Variants in TAFA4 observed in about 807,000 individuals in gnomAD.
TAFA4 encodes TAFA chemokine like family member 4.
In TAFA4, 20 loss-of-function variants were observed where a neutral mutation model predicts 21.1. The ratio of observed to expected loss-of-function variants is 0.95; its 90% CI spans 0.67 to 1.38. The LOEUF (loss-of-function observed/expected upper bound fraction) is 1.38, where lower values mean the gene tolerates loss of function less well. TAFA4 is among the 40% of genes most tolerant of loss of function. The pLI is 0.00. For missense variants in TAFA4, 211 were observed against 180.9 expected, an observed-to-expected ratio of 1.17 and a Z score of -0.95; for synonymous variants, 71 against 67.4, an observed-to-expected ratio of 1.05 and a Z score of -0.26.
chr3:68,851,503 T>A (rs114879958), intron 3 of TAFA4, among the ~76,000 whole-genome samples: 1,730 of 151,988 alleles, frequency 0.011, 29 homozygotes, highest in African/African-American at 0.04. Context: ...AAACATAAAT[T>A]CAAATTATGC....
At chr3:68,860,274 G>T (rs1223636291) in intron 3 of TAFA4, among the ~76,000 whole-genome samples, 5 of 152,076 alleles carry the variant, frequency 3.3e-5, no homozygotes, top group East Asian at 1.9e-4. Flanking sequence ...GAACAGAAGG[G>T]TTTATTCACT....
At chr3:68,859,826 C>T (rs186491055) in intron 3 of TAFA4, among the ~76,000 whole-genome samples, 3 of 152,196 alleles carry the variant, frequency 2.0e-5, no homozygotes, top group African/African-American at 7.2e-5. Flanking sequence ...CCACCAATTG[C>T]ACGCCTAGCA....
intron 3 of TAFA4, among the ~76,000 whole-genome samples, chr3:68,834,324 G>A (rs1704471079): frequency 6.6e-6 from 1 of 152,110 alleles, no homozygotes; most frequent in African/African-American, 2.4e-5. Flanking sequence ...CAAAGCCATG[G>A]TCTCTACTCC....
chr3:68,841,642 C>A (rs1306642525), intron 3 of TAFA4, among the ~76,000 whole-genome samples: 2 of 152,086 alleles, frequency 1.3e-5, no homozygotes, highest in African/African-American at 4.8e-5. Context: ...TGGTTTGCTG[C>A]ACCCATGAAC....
chr3:68,845,278 T>C (rs971453332), intron 3 of TAFA4, among the ~76,000 whole-genome samples: 2 of 152,158 alleles, frequency 1.3e-5, no homozygotes, highest in Admixed American at 6.6e-5. Context: ...CCTTGTGTTT[T>C]TTTTAATCTT....
chr3:68,871,990 A>G (rs1466659661), intron 3 of TAFA4, among the ~76,000 whole-genome samples: 2 of 152,128 alleles, frequency 1.3e-5, no homozygotes, highest in South Asian at 4.1e-4. Context: ...AAAACAATAC[A>G]GTGGTCCTTC....
At chr3:68,789,614 C>T (rs544569877) in intron 3 of TAFA4, among the ~76,000 whole-genome samples, 1 of 152,154 alleles carries the variant, frequency 6.6e-6, no homozygotes, top group African/African-American at 2.4e-5. Flanking sequence ...TATTTTTCCC[C>T]ATAGAATTCA....
At position 68,826,517 on chromosome 3, in the gene TAFA4, G is replaced by T. The variant is rs894904121; in HGVS notation, c.130+54213C>A. Among the ~76,000 whole-genome samples, 4 of 149,386 alleles carry T rather than the reference G, an allele frequency of 2.7e-5. No individual in the cohort carries two copies. The South Asian group carries it at 6.3e-4, about 24-fold the overall frequency. ...GAACCCGGGAGGCAGAGCTTGCAGT[G>T]AGCCGAGATCGCGCCACCGCACTCC... On this transcript the variant is annotated intron_variant, in intron 3 of 5. Coordinates refer to ENST00000295569, the MANE Select transcript of TAFA4 (RefSeq NM_182522.5).
At chr3:68,790,549 G>A (rs1344241860) in intron 3 of TAFA4, among the ~76,000 whole-genome samples, 1 of 152,194 alleles carries the variant, frequency 6.6e-6, no homozygotes. Flanking sequence ...AAAGGACCAT[G>A]CTGAGTATAC....
At chr3:68,762,026 C>G (rs533827210) in intron 3 of TAFA4, among the ~76,000 whole-genome samples, 5 of 151,646 alleles carry the variant, frequency 3.3e-5, no homozygotes, top group African/African-American at 1.2e-4. Context: ...ATATTTAAGT[C>G]TGGAGTTCAA....
At chr3:68,805,603 C>T (rs1345181531) in intron 3 of TAFA4, among the ~76,000 whole-genome samples, 2 of 152,200 alleles carry the variant, frequency 1.3e-5, no homozygotes, top group African/African-American at 4.8e-5. Flanking sequence ...GGCACATATA[C>T]ACCATGGAAC....
chr3:68,746,997 G>C (rs1702471447), intron 4 of TAFA4, among the ~76,000 whole-genome samples: 1 of 152,168 alleles, frequency 6.6e-6, no homozygotes, highest in East Asian at 1.9e-4. Flanking sequence ...CAGCTGTCTT[G>C]AGACAATGTC....
chr3:68,927,404 TA>T (rs796972981), intron 1 of TAFA4, among the ~76,000 whole-genome samples: 17 of 152,010 alleles, frequency 1.1e-4, no homozygotes, highest in African/African-American at 2.2e-4. Flanking sequence ...CAGTGGTCAT[TA>T]AAAAAAATGA....
chr3:68,895,645 C>A (rs902248), intron 1 of TAFA4, among the ~76,000 whole-genome samples: 22,338 of 152,108 alleles, frequency 0.15, 2,559 homozygotes, highest in East Asian at 0.49. Context: ...GCACAGCATC[C>A]ATGCTCTATT....
Position 68,880,883 on chromosome 3 carries a change from G to A in TAFA4, c.15-38C>T, listed in dbSNP as rs758327475. The A allele has an allele frequency of 5.1e-6, 8 of 1,559,926 alleles. No individual in the cohort carries two copies. The African/African-American group carries it at 8.1e-5, about 16-fold the overall frequency. On this transcript the variant is annotated intron_variant, in intron 2 of 5. Transcript: ENST00000295569. ...CAGGGCTGGAGTCAGTGAGGGCTGA[G>A]GAAGGCCAGACTCCCTGGCAAGCAC...
At chr3:68,899,922 CA>C (rs774299793) in intron 1 of TAFA4, among the ~76,000 whole-genome samples, 1 of 151,852 alleles carries the variant, frequency 6.6e-6, no homozygotes, top group Non-Finnish European at 1.5e-5. Flanking sequence ...TTATTTTCAC[CA>C]CCTAAAAGAC....
chr3:68,890,269 G>A (rs531386878), intron 1 of TAFA4, among the ~76,000 whole-genome samples: 4 of 152,180 alleles, frequency 2.6e-5, no homozygotes, highest in East Asian at 1.9e-4. Context: ...TTGGTGAATC[G>A]GGGCACAAGG....
At chr3:68,914,909 C>T (rs1488975572) in intron 1 of TAFA4, among the ~76,000 whole-genome samples, 1 of 152,144 alleles carries the variant, frequency 6.6e-6, no homozygotes, top group Non-Finnish European at 1.5e-5. Flanking sequence ...AAATAAAATT[C>T]ATATTTCAGT....
intron 3 of TAFA4, among the ~76,000 whole-genome samples, chr3:68,860,158 T>C (rs1042611559): frequency 6.6e-6 from 1 of 152,170 alleles, no homozygotes; most frequent in Admixed American, 6.5e-5. Context: ...TAGTTCCTGG[T>C]AACCTGCTGA....
Sources: allele counts gnomAD v4.1 joint callset (sites outside exome capture counted in the v4.1 genomes callset), GRCh38; gene constraint gnomAD v4.1.1; transcripts MANE v1.5; gene names NCBI Gene and HGNC (gene_info 2026-07-23, HGNC 2026-07-21).